Variants in AMZ1 observed in about 807,000 individuals in gnomAD.
AMZ1 encodes archaemetzincin-1.
In AMZ1, 39 loss-of-function variants were observed where a neutral mutation model predicts 29.9. That is an observed-to-expected ratio of 1.30 (90% CI 1.01 to 1.70). AMZ1 has a LOEUF of 1.70. AMZ1 is among the 40% of genes most tolerant of loss of function. The probability of loss-of-function intolerance (pLI) is 0.00; values close to 1 mark genes in which losing one functional copy is unlikely to be tolerated. For synonymous variants in AMZ1, 458 were observed against 304.0 expected (o/e 1.51, Z -5.27); for missense variants, 1,041 against 680.6 (o/e 1.53, Z -5.89).
At chr7:2,708,227 TCA>T (rs1267514526) in intron 3 of AMZ1, among the ~76,000 whole-genome samples, 1 of 152,194 alleles carries the variant, frequency 6.6e-6, no homozygotes, top group Non-Finnish European at 1.5e-5. Context: ...CTGTGGGGAC[TCA>T]CAGGTCCCAG....
upstream of AMZ1, among the ~76,000 whole-genome samples, chr7:2,763,869 A>T (rs1791690840): frequency 6.6e-6 from 1 of 152,198 alleles, no homozygotes; most frequent in South Asian, 2.1e-4. Flanking sequence ...GCAGAGAGCG[A>T]GGGAGACGGA....
rs200373407 is a variant in AMZ1, at chr7:2,709,600, C to A, written c.772-40C>A. 2.5e-6 allele frequency: 4 copies of A among 1,590,860 alleles called. No individual in the cohort carries two copies. In the East Asian group the frequency reaches 9.0e-5, roughly 36 times the overall value. The stretch of plus-strand genomic sequence containing the variant: ...CCTGGGGATCTGCCGGATGCAGGGG[C>A]AAGGCAGTGAGGCAAGGTGCTTGGT... On this transcript the variant is annotated intron_variant, in intron 5 of 6. Coordinates refer to ENST00000683327, the MANE Select transcript of AMZ1 (RefSeq NM_001384743.1).
intron 4 of AMZ1, among the ~76,000 whole-genome samples, chr7:2,725,491 G>A (rs1789580844): frequency 6.6e-6 from 1 of 152,216 alleles, no homozygotes; most frequent in South Asian, 2.1e-4. Flanking sequence ...CAAATAACCT[G>A]CCTCCAAGTT....
intron 1 of AMZ1, among the ~76,000 whole-genome samples, chr7:2,697,393 G>A (rs1009350797): frequency 2.0e-5 from 3 of 151,344 alleles, no homozygotes; most frequent in African/African-American, 7.3e-5. Context: ...TGCTGCGCCC[G>A]GCTCTATTTT....
intron 2 of AMZ1, 121 bp downstream of exon 2, chr7:2,700,876 G>A (rs1412112863): frequency 2.3e-6 from 3 of 1,332,016 alleles, no homozygotes; most frequent in Non-Finnish European, 3.0e-6. Context: ...GGTCCTGGGT[G>A]TATGGGATGC....
intron 1 of AMZ1, among the ~76,000 whole-genome samples, chr7:2,689,533 C>G (rs1047731684): frequency 6.6e-6 from 1 of 152,222 alleles, no homozygotes; most frequent in Admixed American, 6.5e-5. Context: ...CCCGTCAGAA[C>G]ATCCCTGCTC....
intron 6 of AMZ1, among the ~76,000 whole-genome samples, chr7:2,710,693 C>T (rs1374443909): frequency 6.6e-6 from 1 of 152,208 alleles, no homozygotes; most frequent in Admixed American, 6.5e-5. Flanking sequence ...TCTCTGAAGA[C>T]TCTGGCAGTC....
downstream of AMZ1, among the ~76,000 whole-genome samples, chr7:2,720,650 C>T (rs997239926): frequency 7.2e-5 from 11 of 151,904 alleles, no homozygotes; most frequent in East Asian, 1.9e-4. Context: ...AGTGAAACAC[C>T]GAAGTCTCCC....
chr7:2,710,144 A>G (rs1193061387), intron 6 of AMZ1, among the ~76,000 whole-genome samples: 1 of 152,108 alleles, frequency 6.6e-6, no homozygotes, highest in Non-Finnish European at 1.5e-5. Flanking sequence ...TTCCCAGGGT[A>G]ACTTTCTCTT....
chr7:2,703,244 A>G (rs552153015), intron 3 of AMZ1, among the ~76,000 whole-genome samples: 2 of 152,214 alleles, frequency 1.3e-5, no homozygotes, highest in Non-Finnish European at 2.9e-5. Flanking sequence ...GGTTGAGGCA[A>G]GCGATTCTCC....
chr7:2,746,650 G>C (rs2115347565), intron 4 of AMZ1, among the ~76,000 whole-genome samples: 1 of 152,198 alleles, frequency 6.6e-6, no homozygotes, highest in South Asian at 2.1e-4. Context: ...CCAGCAGAAG[G>C]CAAGAAATAA....
intron 3 of AMZ1, among the ~76,000 whole-genome samples, chr7:2,704,787 G>A (rs1032867340): frequency 3.3e-5 from 5 of 151,712 alleles, no homozygotes; most frequent in East Asian, 1.9e-4. Flanking sequence ...TAGTAGAGAC[G>A]GGGTTTCACC....
chr7:2,706,242 C>G (rs1004922592), intron 3 of AMZ1, among the ~76,000 whole-genome samples: 3 of 152,202 alleles, frequency 2.0e-5, no homozygotes, highest in Non-Finnish European at 4.4e-5. Flanking sequence ...GTGGTGCGAT[C>G]ATAGCTCCCT....
At chr7:2,761,802 A>T (rs1024043559), upstream of AMZ1, among the ~76,000 whole-genome samples, 1 of 152,248 alleles carries the variant, frequency 6.6e-6, no homozygotes, top group African/African-American at 2.4e-5. Context: ...TGAAGAGATG[A>T]CCAACTAATG....
chr7:2,730,588 G>C (rs1789838112), intron 4 of AMZ1: 1 of 152,582 alleles, frequency 6.6e-6, no homozygotes, highest in African/African-American at 2.4e-5. Context: ...TAGGAAATCG[G>C]CACGGGAGTT....
chr7:2,738,420 G>A (rs532707736), intron 4 of AMZ1, among the ~76,000 whole-genome samples: 146 of 152,310 alleles, frequency 9.6e-4, no homozygotes, highest in African/African-American at 3.2e-3. Flanking sequence ...CAGGGGCTAC[G>A]CACCGGCGAA....
upstream of AMZ1, among the ~76,000 whole-genome samples, chr7:2,761,878 C>A (rs955271218): frequency 2.0e-5 from 3 of 152,190 alleles, no homozygotes; most frequent in Non-Finnish European, 1.5e-5. Flanking sequence ...TAAAATTCGG[C>A]TTCCAGCTGG....
At chr7:2,691,384 C>T (rs1317264208) in intron 1 of AMZ1, among the ~76,000 whole-genome samples, 1 of 148,324 alleles carries the variant, frequency 6.7e-6, no homozygotes, top group African/African-American at 2.6e-5. Flanking sequence ...GAGCCTCAGT[C>T]TCCTGGGTTA....
At chr7:2,736,811 CCT>C (rs1486684089) in intron 4 of AMZ1, among the ~76,000 whole-genome samples, 1 of 152,256 alleles carries the variant, frequency 6.6e-6, no homozygotes, top group East Asian at 1.9e-4. Flanking sequence ...TCGCCCGTCA[CCT>C]CTGTCTCTGC....
Sources: gnomAD v4.1 joint callset for allele counts (sites outside exome capture counted in the v4.1 genomes callset) on GRCh38, gnomAD v4.1.1 for gene constraint, MANE v1.5 for transcripts, NCBI Gene and HGNC (gene_info 2026-07-23, HGNC 2026-07-21) for gene names.